GRIN2D: variants seen among roughly 807,000 people sequenced by gnomAD.
GRIN2D encodes the protein glutamate receptor ionotropic, NMDA 2D.
GRIN2D carries 37 observed loss-of-function variants against 103.2 expected under a neutral mutation model. The observed-to-expected ratio is 0.36, with a 90% CI of 0.28 to 0.47. GRIN2D has a LOEUF of 0.47. Ranked by LOEUF, GRIN2D falls within the 20% of genes least tolerant of loss-of-function variation. GRIN2D has a pLI of 1.00. For missense variants in GRIN2D, 1,557 were observed against 1,910.6 expected, an observed-to-expected ratio of 0.81 and a Z score of 3.45; for synonymous variants, 845 against 885.6, an observed-to-expected ratio of 0.95 and a Z score of 0.81.
rs560770144 is a variant in GRIN2D at position 48,393,868 on chromosome 19, G to T, written c.-306G>T. ...TCTCTCGAGCGTCTGCCATCTGCCC[G>T]GTGAGGATCTGTGTGTCCGGGTGTC... is the stretch of plus-strand genomic sequence containing the variant. On this transcript the variant is annotated splice_region_variant and 5_prime_UTR_variant, in exon 1 of 14. Transcript: ENST00000263269. This position sits in a 1 kb window ranked among gnomAD's most constrained non-coding sequence, Gnocchi z 5.6. Among the ~76,000 whole-genome samples the T allele has an allele frequency of 2.6e-5, 4 of 151,986 alleles. No individual in the cohort carries two copies. Among genetic ancestry groups the T allele is most frequent in the African/African-American group, 9.7e-5 (4 of 41,368 alleles).
intron 8 of GRIN2D, among the ~76,000 whole-genome samples, chr19:48,418,022 AC>A (rs1196579401): frequency 2.0e-5 from 3 of 147,570 alleles, no homozygotes; most frequent in Non-Finnish European, 4.5e-5. Context: ...TGATTCAGGC[AC>A]CTGCGAGTTC....
At chr19:48,412,169 A>T (rs993695910) in intron 4 of GRIN2D, among the ~76,000 whole-genome samples, 1 of 151,860 alleles carries the variant, frequency 6.6e-6, no homozygotes, top group Non-Finnish European at 1.5e-5. Context: ...TACTAAAAAA[A>T]ATACAAAAAA....
chr19:48,416,182 C>T (rs1337932673), intron 8 of GRIN2D, 27 bp downstream of exon 8: 1 of 1,608,378 alleles, frequency 6.2e-7, no homozygotes, highest in Admixed American at 1.7e-5. Flanking sequence ...GGACAGGGAG[C>T]TAGCCCTAGG....
rs1277131765 is a variant in GRIN2D at position 48,404,780 on chromosome 19, A to G, written c.512A>G (p.Gln171Arg). 6.2e-7 allele frequency: 1 copy of G among 1,613,526 alleles called. No individual in the cohort carries two copies. Among genetic ancestry groups the G allele is most frequent in the Non-Finnish European group, 8.5e-7 (1 of 1,179,628 alleles). ...CAGCTGGGCTCTTCCACCGAGCAAC[A>G]GCTTCAGGTCATCTTTGAGGTGCTG... Reference protein sequence around the residue: ...FLQLGSSTEQQLQVIFEVLEE... With the variant: ...FLQLGSSTEQRLQVIFEVLEE... Residue 171 changes from glutamine to arginine, a missense_variant, in exon 4 of 14, where the codon CAG becomes CGG. Physicochemically the swap from Gln to Arg is conservative, Grantham distance 43. This residue lies in a region of GRIN2D where 490 missense variants were observed against 601.1 expected (regional missense o/e 0.82). Transcript: ENST00000263269.
At chr19:48,439,266 A>T (rs1971265228) in intron 11 of GRIN2D, among the ~76,000 whole-genome samples, 1 of 151,652 alleles carries the variant, frequency 6.6e-6, no homozygotes, top group African/African-American at 2.4e-5. Context: ...ATATTTAAAA[A>T]ATATATAAAA....
In GRIN2D at chr19:48,414,050, T is replaced by C. The variant is rs766780681; in HGVS notation, c.1145T>C (p.Leu382Pro). The change falls in exon 5 of 14, where the codon CTA becomes CCA. Residue 382 changes from leucine to proline, a missense_variant. Transcript: ENST00000263269. This position sits in a 1 kb window ranked among gnomAD's most constrained non-coding sequence, Gnocchi z 4.6. The stretch of plus-strand genomic sequence containing the variant: ...TACTCCTTCAATGAGGACGGCTTCC[T>C]AGTGAACCCCTCCCTGGTGGTCATC... ...RDYSFNEDGFLVNPSLVVISL... is the reference protein window; with the variant it reads ...RDYSFNEDGFPVNPSLVVISL... 2 of 1,613,256 alleles carry C rather than the reference T, an allele frequency of 1.2e-6. No individual in the cohort carries two copies. Among genetic ancestry groups the C allele is most frequent in the Non-Finnish European group, 1.7e-6 (2 of 1,179,390 alleles).
Position 48,414,276 on chromosome 19 carries a change from TG to T in GRIN2D, c.1201-96del. 1 of 1,097,510 alleles carries T rather than the reference TG, an allele frequency of 9.1e-7. No individual in the cohort carries two copies. Among genetic ancestry groups the T allele is most frequent in the Non-Finnish European group, 1.3e-6 (1 of 750,174 alleles). 68.0% of individuals were successfully genotyped at this position (1,097,510 alleles called of 1,614,324 possible). On this transcript the variant is annotated intron_variant, in intron 5 of 13. Coordinates refer to ENST00000263269, the MANE Select transcript of GRIN2D (RefSeq NM_000836.4). The surrounding 1 kb of genome is among the most constrained non-coding windows in gnomAD (Gnocchi z 4.6). ...GCTCCTGGGTCTTGGAAGAAGCTGC[TG>T]CCCACACACCTAGGTCTGAGGGAAG...
chr19:48,408,640 G>A (rs1324215223), intron 4 of GRIN2D, among the ~76,000 whole-genome samples: 1 of 151,782 alleles, frequency 6.6e-6, no homozygotes. Flanking sequence ...CCAACACAGG[G>A]AAACACCATC....
At chr19:48,402,126 AAGAAAGAAAG>A (rs1405029413) in intron 3 of GRIN2D, among the ~76,000 whole-genome samples, 1 of 132,268 alleles carries the variant, frequency 7.6e-6, no homozygotes, top group Non-Finnish European at 1.7e-5. Flanking sequence ...GAAAGAAAGA[AAGAAAGAAAG>A]AAAGAAAGAA....
At position 48,442,992 on chromosome 19, in the gene GRIN2D, C is replaced by A; in HGVS notation, c.3066C>A (p.Gly1022=). The A allele has an allele frequency of 9.1e-7, 1 of 1,103,138 alleles. No homozygotes were observed. The highest frequency in any genetic ancestry group is 3.0e-5 in the South Asian group (1 of 32,930). The allele number at this position is 1,103,138 out of a possible 1,614,324, so 68.3% of individuals were successfully genotyped here. The change falls in exon 14 of 14, where the codon GGC becomes GGA. Residue 1022 remains glycine, a synonymous_variant. Coordinates refer to ENST00000263269, the MANE Select transcript of GRIN2D (RefSeq NM_000836.4). This position sits in a 1 kb window ranked among gnomAD's most constrained non-coding sequence, Gnocchi z 7.2. ...AGGAGCCAGCCGAGCCCCCCGCCGG[C>A]GCCTTCCCCGGCTTCCCGTCGCCGC... is the stretch of plus-strand genomic sequence containing the variant. ...RDKEPAEPPA[G]AFPGFPSPPA... is the part of the protein sequence containing the mutation.
intron 11 of GRIN2D, among the ~76,000 whole-genome samples, chr19:48,423,666 A>G (rs1458465285): frequency 1.3e-5 from 2 of 152,190 alleles, no homozygotes; most frequent in Non-Finnish European, 2.9e-5. Flanking sequence ...CAAGAAGGCC[A>G]GTGTGGTTGA....
At chr19:48,409,896 T>C (rs568659777) in intron 4 of GRIN2D, among the ~76,000 whole-genome samples, 1 of 151,992 alleles carries the variant, frequency 6.6e-6, no homozygotes, top group Non-Finnish European at 1.5e-5. Flanking sequence ...GTGATTGTCC[T>C]GCCTCAGCCT....
intron 9 of GRIN2D, 63 bp from the exon 10 acceptor site, chr19:48,419,522 T>C (rs1383596156): frequency 1.4e-6 from 2 of 1,436,598 alleles, no homozygotes; most frequent in Non-Finnish European, 1.9e-6. Flanking sequence ...TTTCTTTTTT[T>C]TTTTTTCCCT....
At chr19:48,411,516 G>C (rs2147447558) in intron 4 of GRIN2D, among the ~76,000 whole-genome samples, 2 of 151,988 alleles carry the variant, frequency 1.3e-5, no homozygotes, top group African/African-American at 4.8e-5. Context: ...AGGCGCGGTG[G>C]TGCTTGCCTG....
intron 4 of GRIN2D, among the ~76,000 whole-genome samples, chr19:48,409,274 CTTTT>C (rs67673123): frequency 9.6e-6 from 1 of 103,724 alleles, no homozygotes; most frequent in African/African-American, 4.3e-5. Flanking sequence ...AATTAAATTT[CTTTT>C]TTTTTTTTTT....
Position 48,405,291 on chromosome 19 carries a change from T to G in GRIN2D, c.1023T>G (p.Leu341=), listed in dbSNP as rs200060371. ...AQALLRDYGF[L]PELGHDCRAQ... is the part of the protein sequence containing the mutation. ...CCCTGCTGCGTGATTATGGTTTCCTTCCTGAGCTCGGCCACGACTGTCGCG... is the reference window on the plus strand; with the variant it reads ...CCCTGCTGCGTGATTATGGTTTCCTGCCTGAGCTCGGCCACGACTGTCGCG... The change falls in exon 4 of 14, where the codon CTT becomes CTG. Residue 341 remains leucine, a synonymous_variant. Coordinates refer to ENST00000263269, the MANE Select transcript of GRIN2D (RefSeq NM_000836.4). The surrounding 1 kb of genome is among the most constrained non-coding windows in gnomAD (Gnocchi z 5.1). The G allele has an allele frequency of 2.9e-5, 46 of 1,601,736 alleles. No individual in the cohort carries two copies. Among genetic ancestry groups the G allele is most frequent in the Non-Finnish European group, 3.9e-5 (46 of 1,177,802 alleles).
intron 11 of GRIN2D, among the ~76,000 whole-genome samples, chr19:48,439,241 C>CAAAT (rs551514598): frequency 2.0e-5 from 3 of 150,854 alleles, no homozygotes; most frequent in East Asian, 2.0e-4. Flanking sequence ...AACAAACAAA[C>CAAAT]AAATAAATAA....
In GRIN2D at chr19:48,416,082, C is replaced by T. The variant is rs559220973; in HGVS notation, c.1662C>T (p.Val554=). 2.7e-5 allele frequency: 44 copies of T among 1,613,924 alleles called. No homozygotes were observed. The highest frequency in any genetic ancestry group is 3.6e-5 in the Non-Finnish European group (43 of 1,179,868). The change falls in exon 8 of 14, where the codon GTC becomes GTT. Residue 554 remains valine (V), a synonymous_variant. Transcript: ENST00000263269. ...EERSEIVDFS[V]PFVETGISVM... Reference sequence around the variant, plus strand: ...GCTCCGAGATCGTGGACTTCTCCGTCCCCTTCGTGGAGACCGGCATCAGCG... The same window carrying T: ...GCTCCGAGATCGTGGACTTCTCCGTTCCCTTCGTGGAGACCGGCATCAGCG...
In GRIN2D at chr19:48,419,811, C is replaced by G. The variant is rs769568972; in HGVS notation, c.2088C>G (p.Arg696=). Reference sequence around the variant, plus strand: ...ATACTGTGTCTGGGCTCAGTGACCGCAAGGTGTGTGTGGGCCCAGGGCTGG... The same window carrying G: ...ATACTGTGTCTGGGCTCAGTGACCGGAAGGTGTGTGTGGGCCCAGGGCTGG... ...YVDTVSGLSD[R]KFQRPQEQYP... Residue 696 remains arginine, a synonymous_variant, in exon 10 of 14, where the codon CGC becomes CGG. Transcript: ENST00000263269. 6.2e-7 allele frequency: 1 copy of G among 1,608,600 alleles called. No homozygotes were observed. Among genetic ancestry groups the G allele is most frequent in the Non-Finnish European group, 8.5e-7 (1 of 1,176,358 alleles).
Sources: gnomAD v4.1 joint callset for allele counts (sites outside exome capture counted in the v4.1 genomes callset) on GRCh38, gnomAD v4.1.1 for gene constraint, gnomAD v4.1.1 regional missense constraint, Gnocchi (gnomAD v3.1) non-coding constraint, MANE v1.5 for transcripts, NCBI Gene and HGNC (gene_info 2026-07-23, HGNC 2026-07-21) for gene names.